RNLS: variants seen among roughly 807,000 people sequenced by gnomAD.
RNLS encodes renalase, FAD dependent amine oxidase.
RNLS carries 39 observed loss-of-function variants against 39.8 expected under a neutral mutation model. The observed-to-expected ratio is 0.98, with a 90% CI of 0.76 to 1.28. The LOEUF (loss-of-function observed/expected upper bound fraction) is 1.28. Ranked by LOEUF, RNLS falls within the 50% of genes most tolerant of loss-of-function variation. The probability of loss-of-function intolerance (pLI) is 0.00; values close to 1 mark genes in which losing one functional copy is unlikely to be tolerated. For missense variants in RNLS, 410 were observed against 413.3 expected, an observed-to-expected ratio of 0.99 and a Z score of 0.07; for synonymous variants, 147 against 150.7, an observed-to-expected ratio of 0.98 and a Z score of 0.18.
intron 4 of RNLS, among the ~76,000 whole-genome samples, chr10:88,382,392 G>T (rs1851591537): frequency 6.6e-6 from 1 of 152,006 alleles, no homozygotes; most frequent in African/African-American, 2.4e-5. Flanking sequence ...CAACTCACCA[G>T]TAACCAATAG....
At chr10:88,295,625 A>G (rs1406100332) in intron 6 of RNLS, among the ~76,000 whole-genome samples, 1 of 152,148 alleles carries the variant, frequency 6.6e-6, no homozygotes, top group Non-Finnish European at 1.5e-5. Flanking sequence ...GGAATACCTT[A>G]GGTGTGAAGA....
At chr10:88,220,995 T>C in the RNLS span, among the ~76,000 whole-genome samples, 2 of 152,348 alleles carry the variant, frequency 1.3e-5, no homozygotes, top group African/African-American at 2.4e-5. Flanking sequence ...ATCCAGGCTC[T>C]TTCCACTCTG....
At chr10:88,474,530 A>C (rs1340201005) in intron 4 of RNLS, among the ~76,000 whole-genome samples, 1 of 152,172 alleles carries the variant, frequency 6.6e-6, no homozygotes, top group African/African-American at 2.4e-5. Flanking sequence ...CTCCTAGTTC[A>C]CAGCAAGTGT....
chr10:88,552,485 C>A (rs1353920411), intron 4 of RNLS, among the ~76,000 whole-genome samples: 1 of 152,170 alleles, frequency 6.6e-6, no homozygotes, highest in East Asian at 1.9e-4. Context: ...AATAAGGAAT[C>A]ACATTTGCTC....
the RNLS span, among the ~76,000 whole-genome samples, chr10:88,244,911 A>G: frequency 3.3e-5 from 5 of 152,186 alleles, no homozygotes; most frequent in Admixed American, 6.5e-5. Context: ...GGTAGCAAGG[A>G]TGGTGCCATC....
At chr10:88,187,180 TATATATA>T in the RNLS span, among the ~76,000 whole-genome samples, 46 of 8,586 alleles carry the variant, frequency 5.4e-3, no homozygotes, top group East Asian at 0.065. Flanking sequence ...ATATATATAA[TATATATA>T]ATATATATAA....
intron 3 of RNLS, among the ~76,000 whole-genome samples, chr10:88,577,334 G>A (rs1414519851): frequency 6.6e-6 from 1 of 152,086 alleles, no homozygotes; most frequent in East Asian, 1.9e-4. Flanking sequence ...TGTTAAATTG[G>A]AGAGTATGAG....
intron 4 of RNLS, among the ~76,000 whole-genome samples, chr10:88,571,778 C>A (rs1299872322): frequency 6.6e-6 from 1 of 152,186 alleles, no homozygotes; most frequent in African/African-American, 2.4e-5. Context: ...GCTGACATTA[C>A]TTCCCTGTTC....
the RNLS span, among the ~76,000 whole-genome samples, chr10:88,267,868 G>T: frequency 3.9e-5 from 6 of 152,324 alleles, no homozygotes; most frequent in East Asian, 9.6e-4. Flanking sequence ...AGAGGCCACA[G>T]AAGGGAAGAG....
chr10:88,203,552 G>A, the RNLS span, among the ~76,000 whole-genome samples: 8 of 147,378 alleles, frequency 5.4e-5, no homozygotes, highest in Non-Finnish European at 8.9e-5. Flanking sequence ...TTCAAGGACC[G>A]TTTACATCAG....
chr10:88,423,703 A>G (rs1185318020), intron 4 of RNLS, among the ~76,000 whole-genome samples: 4 of 152,178 alleles, frequency 2.6e-5, no homozygotes, highest in African/African-American at 9.7e-5. Context: ...TATCTGTTAA[A>G]CCTTGTTTGT....
rs115312814 is a variant in RNLS at position 88,357,591 on chromosome 10, A to G, written c.700+4961T>C. 5.9e-3 allele frequency among the ~76,000 whole-genome samples: 893 copies of G among 152,294 alleles called. 13 individuals are homozygous for G. Among genetic ancestry groups the G allele is most frequent in the African/African-American group, 0.02 (838 of 41,574 alleles). On this transcript the variant is annotated intron_variant, in intron 5 of 6. Transcript: ENST00000331772. Reference sequence around the variant, plus strand: ...CTGTTCCTTTTACAGAACAATTTATACTAAATGTTTTAGTAGAAACTGGCT... The same window carrying G: ...CTGTTCCTTTTACAGAACAATTTATGCTAAATGTTTTAGTAGAAACTGGCT...
chr10:88,465,623 T>C (rs2133955140), intron 4 of RNLS, among the ~76,000 whole-genome samples: 1 of 152,180 alleles, frequency 6.6e-6, no homozygotes, highest in East Asian at 1.9e-4. Context: ...GTAATCCTGT[T>C]TTAGTTAGAA....
chr10:88,447,690 C>T (rs113346352), intron 4 of RNLS, among the ~76,000 whole-genome samples: 28,292 of 152,040 alleles, frequency 0.19, 3,018 homozygotes, highest in Non-Finnish European at 0.25. Flanking sequence ...AAAAAGAGCC[C>T]GCATTGCCAA....
At chr10:88,228,772 C>G in the RNLS span, among the ~76,000 whole-genome samples, 4 of 152,190 alleles carry the variant, frequency 2.6e-5, no homozygotes, top group Middle Eastern at 3.2e-3. Context: ...GAATTTGATC[C>G]AAACTTTATC....
chr10:88,241,679 A>G, the RNLS span, among the ~76,000 whole-genome samples: 1 of 152,166 alleles, frequency 6.6e-6, no homozygotes, highest in Non-Finnish European at 1.5e-5. Flanking sequence ...TTAAAAACCT[A>G]TCAGTGGCTC....
At chr10:88,494,407 A>G (rs1040032334) in intron 4 of RNLS, among the ~76,000 whole-genome samples, 2 of 152,168 alleles carry the variant, frequency 1.3e-5, no homozygotes, top group Non-Finnish European at 2.9e-5. Flanking sequence ...AGAATAAGTA[A>G]AGAGCTTAAA....
intron 5 of RNLS, among the ~76,000 whole-genome samples, chr10:88,319,789 T>C (rs1173940507): frequency 6.6e-6 from 1 of 152,014 alleles, no homozygotes; most frequent in Non-Finnish European, 1.5e-5. Context: ...TGGGATTATG[T>C]AAAGTGAACA....
At chr10:88,396,946 A>C (rs1366831674) in intron 4 of RNLS, among the ~76,000 whole-genome samples, 4 of 151,982 alleles carry the variant, frequency 2.6e-5, no homozygotes, top group African/African-American at 7.2e-5. Context: ...TAATACACAA[A>C]TGTGCACCAA....
Sources: allele counts gnomAD v4.1 joint callset (sites outside exome capture counted in the v4.1 genomes callset), GRCh38; gene constraint gnomAD v4.1.1; transcripts MANE v1.5; gene names NCBI Gene and HGNC (gene_info 2026-07-23, HGNC 2026-07-21).